PALM2AKAP2: variants seen among roughly 807,000 people sequenced by gnomAD.
PALM2AKAP2 encodes PALM2-AKAP2 fusion protein.
PALM2AKAP2 carries 37 observed loss-of-function variants against 71.5 expected under a neutral mutation model. That is an observed-to-expected ratio of 0.52 (90% CI 0.40 to 0.68). The LOEUF (loss-of-function observed/expected upper bound fraction) is 0.68. Among genes scored for constraint, PALM2AKAP2 ranks in the 30% least tolerant of loss-of-function variants. The pLI is 0.00. For synonymous variants in PALM2AKAP2, 468 were observed against 478.8 expected (o/e 0.98, Z 0.29); for missense variants, 1,224 against 1,191.8 (o/e 1.03, Z -0.40).
intron 1 of PALM2AKAP2, among the ~76,000 whole-genome samples, chr9:109,857,301 G>T (rs1475515097): frequency 6.6e-6 from 1 of 152,194 alleles, no homozygotes; most frequent in Non-Finnish European, 1.5e-5. Context: ...TAAAATGGGA[G>T]AGAAATATTT....
intron 7 of PALM2AKAP2, among the ~76,000 whole-genome samples, chr9:110,042,286 C>T (rs1335400394): frequency 6.6e-6 from 1 of 152,072 alleles, no homozygotes; most frequent in Non-Finnish European, 1.5e-5. Flanking sequence ...ATTAGCTGGG[C>T]ATGGTGGTGT....
chr9:109,787,612 A>G (rs1827004608), intron 1 of PALM2AKAP2, among the ~76,000 whole-genome samples: 1 of 152,242 alleles, frequency 6.6e-6, no homozygotes, highest in African/African-American at 2.4e-5. Context: ...ATTGGTCCCT[A>G]GAGAGCAGAT....
intron 2 of PALM2AKAP2, among the ~76,000 whole-genome samples, chr9:110,147,234 G>A (rs1433860793): frequency 7.1e-6 from 1 of 140,790 alleles, no homozygotes; most frequent in East Asian, 2.1e-4. Context: ...GGGCAACAAA[G>A]CAAGACTCTG....
exon 4 of PALM2AKAP2, chr9:110,170,090 A>G (rs910460273): frequency 3.3e-5 from 5 of 152,526 alleles, no homozygotes; most frequent in Admixed American, 1.3e-4. Context: ...CATGCTTAGT[A>G]TACTATAGAG....
At chr9:109,825,646 A>G (rs1268065763) in intron 1 of PALM2AKAP2, among the ~76,000 whole-genome samples, 15 of 152,228 alleles carry the variant, frequency 9.9e-5, no homozygotes, top group Admixed American at 9.8e-4. Flanking sequence ...GAGAAATGCA[A>G]ATCAAAACCA....
chr9:109,857,428 A>C (rs1829196859), intron 1 of PALM2AKAP2, among the ~76,000 whole-genome samples: 1 of 152,236 alleles, frequency 6.6e-6, no homozygotes, highest in Admixed American at 6.5e-5. Flanking sequence ...CACAGCCTTG[A>C]CCTATTTTTG....
intron 1 of PALM2AKAP2, among the ~76,000 whole-genome samples, chr9:109,689,623 A>G (rs1202402004): frequency 6.6e-6 from 1 of 152,238 alleles, no homozygotes; most frequent in African/African-American, 2.4e-5. Context: ...ACATTGAGAA[A>G]TAGGACAAAA....
At chr9:109,926,258 A>G (rs1037379096) in intron 5 of PALM2AKAP2, among the ~76,000 whole-genome samples, 1 of 152,208 alleles carries the variant, frequency 6.6e-6, no homozygotes, top group Non-Finnish European at 1.5e-5. Context: ...AAACAAACAA[A>G]CAAACAAACC....
chr9:109,901,330 T>C (rs1405108980), intron 3 of PALM2AKAP2, among the ~76,000 whole-genome samples: 1 of 152,148 alleles, frequency 6.6e-6, no homozygotes, highest in African/African-American at 2.4e-5. Context: ...GGGGCTTAGC[T>C]CCACGTGGAG....
chr9:109,761,206 A>G (rs1451120500), intron 1 of PALM2AKAP2, among the ~76,000 whole-genome samples: 1 of 152,228 alleles, frequency 6.6e-6, no homozygotes, highest in African/African-American at 2.4e-5. Flanking sequence ...TAAGATGCTG[A>G]CAAACCAACA....
At chr9:110,171,506 A>G (rs1836857402) in exon 4 of PALM2AKAP2, 1 of 152,238 alleles carries the variant, frequency 6.6e-6, no homozygotes, top group African/African-American at 2.4e-5. Context: ...ATTACAGTTT[A>G]CTTGGGAGAG....
chr9:110,161,781 G>A (rs571467295), intron 3 of PALM2AKAP2, among the ~76,000 whole-genome samples: 1 of 152,268 alleles, frequency 6.6e-6, no homozygotes, highest in Non-Finnish European at 1.5e-5. Flanking sequence ...CTGGTGGGCA[G>A]CTGATTGTGT....
At chr9:109,680,096 A>G (rs1438635591) in intron 1 of PALM2AKAP2, among the ~76,000 whole-genome samples, 2 of 152,196 alleles carry the variant, frequency 1.3e-5, no homozygotes, top group East Asian at 3.8e-4. Context: ...CTTTTGATCA[A>G]TGACTCACAT....
At chr9:109,984,480 A>T (rs1832335519) in intron 6 of PALM2AKAP2, among the ~76,000 whole-genome samples, 1 of 151,248 alleles carries the variant, frequency 6.6e-6, no homozygotes, top group Admixed American at 6.6e-5. Flanking sequence ...TAACAAAGCG[A>T]GACTAGATTG....
intron 1 of PALM2AKAP2, among the ~76,000 whole-genome samples, chr9:110,099,295 T>C (rs1834934301): frequency 6.6e-6 from 1 of 152,264 alleles, no homozygotes; most frequent in African/African-American, 2.4e-5. Flanking sequence ...TCCTGGCAGC[T>C]TGCTGTGTGT....
chr9:109,939,236 T>G (rs1472903695), intron 6 of PALM2AKAP2, among the ~76,000 whole-genome samples: 2 of 152,194 alleles, frequency 1.3e-5, no homozygotes, highest in Non-Finnish European at 2.9e-5. Flanking sequence ...TTGTGTATTA[T>G]GTGGATATAC....
At chr9:109,660,946 T>C (rs1480774773) in intron 1 of PALM2AKAP2, among the ~76,000 whole-genome samples, 1 of 152,194 alleles carries the variant, frequency 6.6e-6, no homozygotes, top group Non-Finnish European at 1.5e-5. Context: ...CATGGGTCTG[T>C]TGGCTGCATA....
At chr9:110,030,186 G>C (rs1255027545) in intron 7 of PALM2AKAP2, among the ~76,000 whole-genome samples, 1 of 152,198 alleles carries the variant, frequency 6.6e-6, no homozygotes, top group East Asian at 1.9e-4. Context: ...ACGGAGATAG[G>C]AAGTGTGGAG....
chr9:109,980,965 G>A (rs1202141764), intron 6 of PALM2AKAP2, among the ~76,000 whole-genome samples: 1 of 152,228 alleles, frequency 6.6e-6, no homozygotes, highest in African/African-American at 2.4e-5. Context: ...TTCGTGGTTT[G>A]TGCCTCCATT....
Sources: gnomAD v4.1 joint callset for allele counts (sites outside exome capture counted in the v4.1 genomes callset) on GRCh38, gnomAD v4.1.1 for gene constraint, MANE v1.5 for transcripts, NCBI Gene and HGNC (gene_info 2026-07-23, HGNC 2026-07-21) for gene names.